RARB: variants seen among roughly 807,000 people sequenced by gnomAD.
The protein encoded by RARB is retinoic acid receptor beta.
RARB carries 17 observed loss-of-function variants against 51.9 expected under a neutral mutation model. The ratio of observed to expected loss-of-function variants is 0.33; its 90% CI spans 0.22 to 0.49. The LOEUF (loss-of-function observed/expected upper bound fraction) is 0.49. Ranked by LOEUF, RARB falls within the 20% of genes least tolerant of loss-of-function variation. The pLI, the probability that RARB is intolerant of heterozygous loss-of-function variation, is 0.99. For missense variants in RARB, 369 were observed against 550.8 expected (o/e 0.67, Z 3.30); for synonymous variants, 215 against 195.4 (o/e 1.10, Z -0.84).
chr3:25,180,023 T>C (rs1400726309), intron 5 of RARB, among the ~76,000 whole-genome samples: 3 of 152,090 alleles, frequency 2.0e-5, no homozygotes, highest in African/African-American at 7.2e-5. Flanking sequence ...TGAATATGAA[T>C]TAAAAACAAA....
intron 1 of RARB, among the ~76,000 whole-genome samples, chr3:24,840,986 A>C (rs1240670505): frequency 6.6e-6 from 1 of 152,166 alleles, no homozygotes; most frequent in African/African-American, 2.4e-5. Context: ...ACATGCAATG[A>C]GGGGTTTTGC....
intron 5 of RARB, among the ~76,000 whole-genome samples, chr3:25,384,680 G>A (rs928854749): frequency 2.0e-5 from 3 of 152,146 alleles, no homozygotes; most frequent in African/African-American, 7.2e-5. Flanking sequence ...CAAGCTCACC[G>A]TGGCAGGAGG....
chr3:25,487,444 A>G (rs371303873), intron 2 of RARB, among the ~76,000 whole-genome samples: 13 of 149,936 alleles, frequency 8.7e-5, no homozygotes, highest in African/African-American at 3.2e-4. Context: ...CACTGATACA[A>G]TAGATTTTAA....
intron 4 of RARB, among the ~76,000 whole-genome samples, chr3:25,138,002 G>T (rs1214513395): frequency 6.6e-6 from 1 of 152,114 alleles, no homozygotes; most frequent in Admixed American, 6.6e-5. Context: ...TCAAATTTGA[G>T]ATCTCATTCA....
At chr3:25,360,331 A>T (rs952781756) in intron 5 of RARB, among the ~76,000 whole-genome samples, 7 of 152,026 alleles carry the variant, frequency 4.6e-5, no homozygotes, top group African/African-American at 1.7e-4. Context: ...TGCTTGGTAA[A>T]TCTTCTTCCA....
intron 5 of RARB, among the ~76,000 whole-genome samples, chr3:25,306,801 G>A (rs547362543): frequency 6.6e-6 from 1 of 152,180 alleles, no homozygotes; most frequent in South Asian, 2.1e-4. Flanking sequence ...GCCTGATTAT[G>A]AGCTAAACAT....
At chr3:25,335,306 T>G (rs1451845984) in intron 5 of RARB, among the ~76,000 whole-genome samples, 1 of 152,166 alleles carries the variant, frequency 6.6e-6, no homozygotes. Context: ...CTAAGCACAA[T>G]GCTAGAAGGC....
chr3:25,439,715 G>T (rs1266506510), intron 1 of RARB, among the ~76,000 whole-genome samples: 3 of 152,170 alleles, frequency 2.0e-5, no homozygotes, highest in Non-Finnish European at 2.9e-5. Context: ...GTCTTAAATG[G>T]AATGTATTCT....
At chr3:24,907,281 G>C (rs912778812) in intron 2 of RARB, among the ~76,000 whole-genome samples, 2 of 152,184 alleles carry the variant, frequency 1.3e-5, no homozygotes, top group African/African-American at 4.8e-5. Context: ...TTACTCCAGT[G>C]ATCTGATGTA....
intron 5 of RARB, among the ~76,000 whole-genome samples, chr3:25,233,631 A>G (rs1702234936): frequency 6.6e-6 from 1 of 152,166 alleles, no homozygotes; most frequent in Non-Finnish European, 1.5e-5. Context: ...ATCAGAAAAA[A>G]TCATTCAGTC....
intron 3 of RARB, among the ~76,000 whole-genome samples, chr3:25,076,330 G>A (rs1698870070): frequency 6.6e-6 from 1 of 152,016 alleles, no homozygotes; most frequent in Admixed American, 6.6e-5. Flanking sequence ...TAGTAGAAAT[G>A]GGGTTTCACC....
At chr3:25,458,914 GAAGAAA>G (rs1232301394) in intron 1 of RARB, among the ~76,000 whole-genome samples, 1 of 152,058 alleles carries the variant, frequency 6.6e-6, no homozygotes. Flanking sequence ...TCAAAATGAG[GAAGAAA>G]AAGGAAAAGG....
chr3:25,034,919 A>G (rs1697952690), intron 2 of RARB, among the ~76,000 whole-genome samples: 1 of 152,360 alleles, frequency 6.6e-6, no homozygotes, highest in Admixed American at 6.5e-5. Flanking sequence ...CTCACTTTAC[A>G]CAAAGTGCTC....
chr3:25,392,766 T>C (rs933001178), intron 5 of RARB, among the ~76,000 whole-genome samples: 2 of 152,154 alleles, frequency 1.3e-5, no homozygotes, highest in East Asian at 3.8e-4. Context: ...AGAATTCATT[T>C]ATCAGATTTA....
At chr3:25,179,791 T>G (rs904413166) in intron 5 of RARB, among the ~76,000 whole-genome samples, 1 of 152,166 alleles carries the variant, frequency 6.6e-6, no homozygotes, top group Non-Finnish European at 1.5e-5. Flanking sequence ...AGTGCCTCTT[T>G]TCCCCCCAAA....
At chr3:25,342,979 C>G (rs1401900522) in intron 5 of RARB, among the ~76,000 whole-genome samples, 2 of 147,554 alleles carry the variant, frequency 1.4e-5, no homozygotes, top group Non-Finnish European at 3.0e-5. Context: ...GAAAAGTATT[C>G]ATAACACAGT....
intron 5 of RARB, among the ~76,000 whole-genome samples, chr3:25,267,874 G>A (rs9310775): frequency 0.02 from 3,104 of 152,244 alleles, 83 homozygotes; most frequent in African/African-American, 0.064. Context: ...TCTGGGTTGA[G>A]CTACTCAGGA....
At chr3:24,984,642 T>C (rs1481692586) in intron 2 of RARB, among the ~76,000 whole-genome samples, 1 of 152,164 alleles carries the variant, frequency 6.6e-6, no homozygotes, top group Non-Finnish European at 1.5e-5. Context: ...GAAGTTGCAT[T>C]TATGTATTTT....
intron 5 of RARB, among the ~76,000 whole-genome samples, chr3:25,214,836 A>G (rs1004158530): frequency 6.6e-6 from 1 of 152,182 alleles, no homozygotes; most frequent in Non-Finnish European, 1.5e-5. Context: ...CCTTTTCCCC[A>G]GTGTCATGTA....
Sources: allele counts gnomAD v4.1 joint callset (sites outside exome capture counted in the v4.1 genomes callset), GRCh38; gene constraint gnomAD v4.1.1; transcripts MANE v1.5; gene names NCBI Gene and HGNC (gene_info 2026-07-23, HGNC 2026-07-21).